LIMS1: variants seen among roughly 807,000 people sequenced by gnomAD.
The protein encoded by LIMS1 is LIM zinc finger domain containing 1.
Under a neutral mutation model 44.1 loss-of-function variants are expected in LIMS1, and 18 were observed. The ratio of observed to expected loss-of-function variants is 0.41; its 90% CI spans 0.28 to 0.61. The LOEUF is 0.61. Among genes scored for constraint, LIMS1 ranks in the 20% least tolerant of loss-of-function variants. LIMS1 has a pLI of 0.32. For synonymous variants in LIMS1, 93 were observed against 149.1 expected, an observed-to-expected ratio of 0.62 and a Z score of 2.74; for missense variants, 201 against 422.0, an observed-to-expected ratio of 0.48 and a Z score of 4.59.
chr2:108,599,369 T>C (rs1260552358), intron 1 of LIMS1, among the ~76,000 whole-genome samples: 1 of 152,204 alleles, frequency 6.6e-6, no homozygotes, highest in African/African-American at 2.4e-5. Context: ...AATGGCTGGA[T>C]CTCATTCTTT....
intron 1 of LIMS1, chr2:108,621,392 G>A (rs1688228822): frequency 6.5e-7 from 1 of 1,550,196 alleles, no homozygotes; most frequent in Non-Finnish European, 8.7e-7. Context: ...TCACATTCAG[G>A]TCTCTACAGG....
intron 1 of LIMS1, among the ~76,000 whole-genome samples, chr2:108,614,548 A>G (rs1314203480): frequency 6.6e-6 from 1 of 152,216 alleles, no homozygotes; most frequent in African/African-American, 2.4e-5. Flanking sequence ...TGGCATAGTA[A>G]CACTACATAG....
chr2:108,551,923 G>GTA (rs201610301), intron 1 of LIMS1, among the ~76,000 whole-genome samples: 2 of 132,968 alleles, frequency 1.5e-5, no homozygotes, highest in Non-Finnish European at 3.1e-5. Context: ...GTGTATATGT[G>GTA]TATATATGTG....
chr2:108,657,013 G>A (rs1298743311), intron 1 of LIMS1, among the ~76,000 whole-genome samples: 2 of 83,100 alleles, frequency 2.4e-5, no homozygotes, highest in Non-Finnish European at 4.8e-5. Flanking sequence ...TAATATTAAT[G>A]TTGTCATGAA....
intron 1 of LIMS1, among the ~76,000 whole-genome samples, chr2:108,535,059 ATACCACATTTT>A (rs1558776920): frequency 6.6e-6 from 1 of 152,238 alleles, no homozygotes; most frequent in African/African-American, 2.4e-5. Flanking sequence ...GTTAACGTAC[ATACCACATTTT>A]TATGCAACAT....
intron 5 of LIMS1, chr2:108,673,748 A>G (rs925647754): frequency 6.6e-6 from 1 of 152,126 alleles, no homozygotes; most frequent in Admixed American, 6.6e-5. Flanking sequence ...AATATCAACT[A>G]TCAGTCCATA....
intron 1 of LIMS1, among the ~76,000 whole-genome samples, chr2:108,611,880 TAAAATATATAC>T (rs1687633950): frequency 6.9e-6 from 1 of 144,516 alleles, no homozygotes; most frequent in Non-Finnish European, 1.5e-5. Flanking sequence ...CACATATATA[TAAAATATATAC>T]ACACATATAT....
At chr2:108,654,574 A>G (rs1174607247) in intron 1 of LIMS1, among the ~76,000 whole-genome samples, 8 of 152,070 alleles carry the variant, frequency 5.3e-5, no homozygotes, top group East Asian at 1.9e-4. Flanking sequence ...GCAGGGTTCA[A>G]ATGCTCCTCA....
At chr2:108,536,303 A>G (rs1446050131) in intron 1 of LIMS1, among the ~76,000 whole-genome samples, 1 of 152,216 alleles carries the variant, frequency 6.6e-6, no homozygotes, top group Non-Finnish European at 1.5e-5. Flanking sequence ...CTCTGTACCT[A>G]TTAAACAATA....
At chr2:108,579,282 G>A (rs886182205) in intron 1 of LIMS1, among the ~76,000 whole-genome samples, 5 of 151,946 alleles carry the variant, frequency 3.3e-5, no homozygotes, top group Non-Finnish European at 2.9e-5. Flanking sequence ...AATTTTTATC[G>A]AACCAAGATG....
rs537634579 is a variant in LIMS1, at chr2:108,654,310, G to A, written c.33-5295G>A. ...GTCATGATAGAGACTGAGAAACATC[G>A]GCTCACCTAAGCTTTGAGGTTAGCT... is the stretch of plus-strand genomic sequence containing the variant. On this transcript the variant is annotated intron_variant, in intron 1 of 9. Coordinates refer to ENST00000544547, the Ensembl canonical transcript of LIMS1. 3.3e-5 allele frequency among the ~76,000 whole-genome samples: 5 copies of A among 151,898 alleles called. No individual in the cohort carries two copies. In the East Asian group the frequency reaches 5.9e-4, roughly 18 times the overall value.
intron 8 of LIMS1, among the ~76,000 whole-genome samples, chr2:108,680,304 T>C (rs1276665068): frequency 2.0e-5 from 3 of 148,122 alleles, no homozygotes; most frequent in Non-Finnish European, 3.0e-5. Flanking sequence ...GAGGCGGAGG[T>C]TGCAGTGAGC....
chr2:108,624,621 G>C (rs1205437468), intron 1 of LIMS1, among the ~76,000 whole-genome samples: 1 of 152,126 alleles, frequency 6.6e-6, no homozygotes, highest in Non-Finnish European at 1.5e-5. Context: ...GCTGGACGTG[G>C]TGGCAAGCGC....
At chr2:108,575,617 A>G (rs186184644) in intron 1 of LIMS1, among the ~76,000 whole-genome samples, 215 of 152,322 alleles carry the variant, frequency 1.4e-3, no homozygotes, top group Admixed American at 7.3e-3. Flanking sequence ...CTATTGGGCT[A>G]AGTGGTCTGG....
intron 2 of LIMS1, chr2:108,662,636 A>C: frequency 1.0e-6 from 1 of 987,258 alleles, no homozygotes. Context: ...ATATTAGAGA[A>C]AAAAACTATC....
intron 1 of LIMS1, among the ~76,000 whole-genome samples, chr2:108,624,914 A>G (rs1482574707): frequency 6.6e-6 from 1 of 152,214 alleles, no homozygotes; most frequent in African/African-American, 2.4e-5. Flanking sequence ...CCCAGCCTCT[A>G]CTAAAATATA....
intron 1 of LIMS1, among the ~76,000 whole-genome samples, chr2:108,642,335 G>GGT: frequency 2.9e-5 from 1 of 34,146 alleles, no homozygotes; most frequent in Non-Finnish European, 6.2e-5. Flanking sequence ...AGCTACTAGT[G>GGT]TTTTTTGTTT....
chr2:108,538,356 G>GTTGGAGCACGTT (rs1328634172), intron 1 of LIMS1, among the ~76,000 whole-genome samples: 1 of 152,116 alleles, frequency 6.6e-6, no homozygotes, highest in Non-Finnish European at 1.5e-5. Flanking sequence ...CTTTTTTCAC[G>GTTGGAGCACGTT]TTGGAGCACG....
chr2:108,635,539 A>G (rs944022447), intron 1 of LIMS1, among the ~76,000 whole-genome samples: 8 of 151,910 alleles, frequency 5.3e-5, no homozygotes, highest in Admixed American at 1.3e-4. Context: ...CGTCTCTACT[A>G]AAAATACAAA....
Sources: gnomAD v4.1 joint callset for allele counts (sites outside exome capture counted in the v4.1 genomes callset) on GRCh38, gnomAD v4.1.1 for gene constraint, MANE v1.5 for transcripts, NCBI Gene and HGNC (gene_info 2026-07-23, HGNC 2026-07-21) for gene names.